Variants in ARL3 observed in about 807,000 individuals in gnomAD.
The protein encoded by ARL3 is ARF like GTPase 3, also known as ADP-ribosylation factor-like protein 3.
In ARL3, 9 loss-of-function variants were observed where a neutral mutation model predicts 26.0. The observed-to-expected ratio is 0.35, with a 90% CI of 0.21 to 0.60. The LOEUF (loss-of-function observed/expected upper bound fraction) is 0.60. Among genes scored for constraint, ARL3 ranks in the 20% least tolerant of loss-of-function variants. The pLI, the probability that ARL3 is intolerant of heterozygous loss-of-function variation, is 0.78. For synonymous variants in ARL3, 71 were observed against 78.4 expected (o/e 0.91, Z 0.50); for missense variants, 158 against 215.7 (o/e 0.73, Z 1.67).
Position 102,689,023 on chromosome 10 carries a change from T to C in ARL3, c.315+870A>G, listed in dbSNP as rs957405938. 1.4e-4 allele frequency among the ~76,000 whole-genome samples: 22 copies of C among 152,318 alleles called. No homozygotes were observed. In the South Asian group the frequency reaches 1.4e-3, roughly 10 times the overall value. Reference sequence around the variant, plus strand: ...CAATTTGATTAAAGCTAAAAAGCTTTAATTAGAAAACTGTTTAGGCTGGGC... The same window carrying C: ...CAATTTGATTAAAGCTAAAAAGCTTCAATTAGAAAACTGTTTAGGCTGGGC... On this transcript the variant is annotated intron_variant, in intron 4 of 5. Transcript: ENST00000260746.
intron 5 of ARL3, among the ~76,000 whole-genome samples, chr10:102,683,095 C>T (rs2064164578): frequency 1.3e-5 from 2 of 152,110 alleles, no homozygotes; most frequent in Admixed American, 6.6e-5. Context: ...CTAAGCAATG[C>T]TGGAAAGGAA....
chr10:102,689,282 G>C (rs1020368902), intron 4 of ARL3, among the ~76,000 whole-genome samples: 1 of 151,994 alleles, frequency 6.6e-6, no homozygotes, highest in Non-Finnish European at 1.5e-5. Flanking sequence ...CTGAAATTGT[G>C]CCATTGCACT....
intron 5 of ARL3, among the ~76,000 whole-genome samples, chr10:102,684,176 T>G (rs2064169754): frequency 6.6e-6 from 1 of 151,982 alleles, no homozygotes; most frequent in Admixed American, 6.6e-5. Flanking sequence ...TGAGACAGAG[T>G]CTCACTCTTT....
intron 3 of ARL3, among the ~76,000 whole-genome samples, chr10:102,696,433 T>G (rs1293362862): frequency 1.3e-5 from 2 of 151,528 alleles, no homozygotes; most frequent in Non-Finnish European, 2.9e-5. Flanking sequence ...CCTGGCTAAT[T>G]TTTTGTATTT....
At chr10:102,699,051 T>C (rs1309573563) in intron 3 of ARL3, among the ~76,000 whole-genome samples, 1 of 152,234 alleles carries the variant, frequency 6.6e-6, no homozygotes, top group Non-Finnish European at 1.5e-5. Context: ...CTTGATTCGT[T>C]GTCTTCCTAG....
intron 5 of ARL3, among the ~76,000 whole-genome samples, chr10:102,684,026 G>A (rs1405478715): frequency 6.6e-6 from 1 of 152,202 alleles, no homozygotes; most frequent in Non-Finnish European, 1.5e-5. Context: ...CTCTGGTCAA[G>A]CAAAAGAAAG....
At chr10:102,707,139 A>G (rs898747364) in intron 1 of ARL3, among the ~76,000 whole-genome samples, 1 of 152,046 alleles carries the variant, frequency 6.6e-6, no homozygotes, top group African/African-American at 2.4e-5. Context: ...TACAAAAAAT[A>G]AAAAACAAAT....
chr10:102,677,061 G>GGA, intron 5 of ARL3, 120 bp from the exon 6 acceptor site: 1 of 1,179,098 alleles, frequency 8.5e-7, no homozygotes, highest in Non-Finnish European at 1.2e-6. Flanking sequence ...CCAGCTTTAG[G>GGA]GAGTTTGCTT....
In ARL3 at chr10:102,676,007, C is replaced by T. The variant is rs1452774407; in HGVS notation, c.*887G>A. 1.3e-5 allele frequency: 2 copies of T among 152,634 alleles called. No individual in the cohort carries two copies. The highest frequency in any genetic ancestry group is 2.9e-5 in the Non-Finnish European group (2 of 68,048). 9.5% of individuals were successfully genotyped at this position (152,634 alleles called of 1,614,324 possible). A position where few individuals can be genotyped will look rare whatever the true frequency, so the allele number is the denominator to read the frequency against. The stretch of plus-strand genomic sequence containing the variant: ...TATAGGACGGCCGTGGAGAAGCCAG[C>T]TAATCTCAGAGTCGGCTGCTCACTG... On this transcript the variant is annotated 3_prime_UTR_variant, in exon 6 of 6. Coordinates refer to ENST00000260746, the MANE Select transcript of ARL3 (RefSeq NM_004311.4).
At chr10:102,712,471 TAGGAAAA>T (rs1339145538) in intron 1 of ARL3, among the ~76,000 whole-genome samples, 2 of 152,174 alleles carry the variant, frequency 1.3e-5, no homozygotes, top group South Asian at 2.1e-4. Context: ...TTGTTCATCT[TAGGAAAA>T]AGGAAAAAAG....
At chr10:102,695,226 C>A (rs1320079810) in intron 3 of ARL3, among the ~76,000 whole-genome samples, 1 of 152,168 alleles carries the variant, frequency 6.6e-6, no homozygotes, top group Non-Finnish European at 1.5e-5. Flanking sequence ...TTGGGTATAA[C>A]TGACATCTTA....
intron 4 of ARL3, among the ~76,000 whole-genome samples, chr10:102,686,989 C>T (rs1397811389): frequency 6.6e-6 from 1 of 150,402 alleles, no homozygotes; most frequent in Admixed American, 6.7e-5. Context: ...AATTCTCTGC[C>T]TCAGCCTCCC....
rs566866967 is a variant in ARL3, at chr10:102,676,850, C to G, written c.*44G>C. On this transcript the variant is annotated 3_prime_UTR_variant, in exon 6 of 6. Transcript: ENST00000260746. The stretch of plus-strand genomic sequence containing the variant: ...GCAGCAAATTAGTGTTTTTCAGGAC[C>G]GAATTCGGCTCCCGCAGCTCCTGCA... The G allele has an allele frequency of 6.2e-7, 1 of 1,602,938 alleles. No homozygotes were observed. Among genetic ancestry groups the G allele is most frequent in the Non-Finnish European group, 8.5e-7 (1 of 1,170,948 alleles).
intron 3 of ARL3, among the ~76,000 whole-genome samples, chr10:102,691,368 C>A (rs577420722): frequency 6.8e-6 from 1 of 146,646 alleles, no homozygotes; most frequent in Admixed American, 7.1e-5. Flanking sequence ...TGAGAATATG[C>A]GGTGTTTGGT....
intron 5 of ARL3, among the ~76,000 whole-genome samples, chr10:102,682,688 T>TG (rs1448523716): frequency 6.6e-6 from 1 of 152,244 alleles, no homozygotes; most frequent in Admixed American, 6.5e-5. Flanking sequence ...GGCTACCTAT[T>TG]GTTAAGCAGT....
intron 3 of ARL3, 132 bp downstream of exon 3, chr10:102,699,241 C>T (rs2064265350): frequency 1.5e-6 from 1 of 683,490 alleles, no homozygotes; most frequent in African/African-American, 1.8e-5. Flanking sequence ...TAGCCTTCTG[C>T]TATCCCTGCT....
At chr10:102,708,908 A>ATATATATATATATATTT in intron 1 of ARL3, among the ~76,000 whole-genome samples, 129 of 95,258 alleles carry the variant, frequency 1.4e-3, no homozygotes, top group African/African-American at 3.7e-3. Context: ...ATATATATAT[A>ATATATATATATATATTT]TTTTTTTTTT....
At chr10:102,688,666 T>G (rs898950613) in intron 4 of ARL3, among the ~76,000 whole-genome samples, 1 of 152,010 alleles carries the variant, frequency 6.6e-6, no homozygotes, top group Admixed American at 6.6e-5. Context: ...CACACCTGGC[T>G]AATTTTTTGT....
chr10:102,709,461 C>T (rs990611148), intron 1 of ARL3, among the ~76,000 whole-genome samples: 2 of 128,372 alleles, frequency 1.6e-5, no homozygotes, highest in East Asian at 2.3e-4. Context: ...GCAACAAACA[C>T]GAGACACATA....
Sources: gnomAD v4.1 joint callset for allele counts (sites outside exome capture counted in the v4.1 genomes callset) on GRCh38, gnomAD v4.1.1 for gene constraint, MANE v1.5 for transcripts, NCBI Gene and HGNC (gene_info 2026-07-23, HGNC 2026-07-21) for gene names.